IL32: variants seen among roughly 807,000 people sequenced by gnomAD.
The protein encoded by IL32 is interleukin 32, also known as interleukin-32.
In IL32, 30 loss-of-function variants were observed where a neutral mutation model predicts 16.6. That is an observed-to-expected ratio of 1.81 (90% CI 1.35 to 2.45). The LOEUF is 2.45. IL32 is among the 30% of genes most tolerant of loss of function. IL32 has a pLI of 0.00. For synonymous variants in IL32, 70 were observed against 86.1 expected, an observed-to-expected ratio of 0.81 and a Z score of 1.03; for missense variants, 234 against 229.8, an observed-to-expected ratio of 1.02 and a Z score of -0.12.
chr16:3,068,899 G>C lies in IL32; in HGVS notation c.202-91G>C, dbSNP rs934305559. On this transcript the variant is annotated intron_variant, in intron 6 of 6. Coordinates refer to ENST00000525643, the MANE Select transcript of IL32 (RefSeq NM_001376923.1). ...ACACCTGTGGGCCTCCGTCTCCCAGGGTCAGGAAAAGGCTGAGAGGCCTGG... is the reference window on the plus strand; with the variant it reads ...ACACCTGTGGGCCTCCGTCTCCCAGCGTCAGGAAAAGGCTGAGAGGCCTGG... 4.4e-6 allele frequency: 7 copies of C among 1,580,920 alleles called. No homozygotes were observed. The Middle Eastern group carries it at 1.0e-3, about 233-fold the overall frequency.
rs1201698287 is a variant in IL32 at position 3,067,284 on chromosome 16, T to TGTGTGTGTGTGTGTGC, written c.16-78_16-77insCGTGTGTGTGTGTGTG. ...TGCCATGTGTCTCTGTGTGTGTGTG[T>TGTGTGTGTGTGTGTGC]GTGTGTGTGTGTGTGTGTGTGTGTG... On this transcript the variant is annotated intron_variant, in intron 2 of 6. Coordinates refer to ENST00000525643, the MANE Select transcript of IL32 (RefSeq NM_001376923.1). 29 of 541,572 alleles carry TGTGTGTGTGTGTGTGC rather than the reference T, an allele frequency of 5.4e-5. 1 individual carries two copies. The highest frequency in any genetic ancestry group is 7.6e-5 in the Non-Finnish European group (24 of 314,536). 33.5% of individuals were successfully genotyped at this position (541,572 alleles called of 1,614,324 possible).
rs117009471 is a variant in IL32, at chr16:3,067,992, G to C, written c.123G>C (p.Ser41=). The C allele has an allele frequency of 1.5e-5, 25 of 1,613,950 alleles. No homozygotes were observed. The highest frequency in any genetic ancestry group is 1.9e-5 in the Non-Finnish European group (23 of 1,179,980). Residue 41 remains serine (S), a synonymous_variant, in exon 5 of 7, where the codon TCG becomes TCC. Transcript: ENST00000525643. ...NAESGRGQVM[S]SLAELEDDFK... Reference sequence around the variant, plus strand: ...TGCTTTGTTCCTAACAGGTGATGTCGAGCCTGGCAGAGCTGGAGGTGAGCC... The same window carrying C: ...TGCTTTGTTCCTAACAGGTGATGTCCAGCCTGGCAGAGCTGGAGGTGAGCC...
In IL32 at chr16:3,065,807, C is replaced by A; in HGVS notation, c.-5C>A. 6.2e-7 allele frequency: 1 copy of A among 1,614,172 alleles called. No individual in the cohort carries two copies. The highest frequency in any genetic ancestry group is 8.5e-7 in the Non-Finnish European group (1 of 1,180,024). ...AGGCCTTGGCTCCTTGAACTTTTGG[C>A]CGCCATGTGCTTCCCGAAGGTGAGT... On this transcript the variant is annotated 5_prime_UTR_variant, in exon 2 of 7. Coordinates refer to ENST00000525643, the MANE Select transcript of IL32 (RefSeq NM_001376923.1).
At chr16:3,068,114 T>C (rs1415445536) in intron 5 of IL32, 66 bp from the exon 6 acceptor site, 19 of 1,602,658 alleles carry the variant, frequency 1.2e-5, no homozygotes, top group Non-Finnish European at 1.5e-5. Flanking sequence ...CCTGGACCAG[T>C]GGGGGCCACA....
Position 3,067,357 on chromosome 16 carries a change from T to C in IL32, c.16-20T>C. On this transcript the variant is annotated intron_variant, in intron 2 of 6. Transcript: ENST00000525643. Reference sequence around the variant, plus strand: ...GTTAAGGTGACACATGGAGACTGAGTGTCACCGTTATTTCCGCAGGTCCTC... The same window carrying C: ...GTTAAGGTGACACATGGAGACTGAGCGTCACCGTTATTTCCGCAGGTCCTC... 1.4e-6 allele frequency: 2 copies of C among 1,452,044 alleles called. No individual in the cohort carries two copies. The highest frequency in any genetic ancestry group is 1.9e-6 in the Non-Finnish European group (2 of 1,069,076). 89.9% of individuals were successfully genotyped at this position (1,452,044 alleles called of 1,614,324 possible). A position where few individuals can be genotyped will look rare whatever the true frequency, so the allele number is the denominator to read the frequency against.
Position 3,068,227 on chromosome 16 carries a change from G to C in IL32, c.189G>C (p.Glu63Asp), listed in dbSNP as rs1046974488. 18 of 1,597,744 alleles carry C rather than the reference G, an allele frequency of 1.1e-5. No individual in the cohort carries two copies. Among genetic ancestry groups the C allele is most frequent in the African/African-American group, 2.7e-5 (2 of 74,630 alleles). The change falls in exon 6 of 7, where the codon GAG becomes GAC. Residue 63 changes from glutamate to aspartate, a missense_variant. Physicochemically the swap from Glu to Asp is conservative, Grantham distance 45. Around this residue, in one of 3 missense-constraint regions of IL32, gnomAD observed 137 missense variants for 80.7 expected, o/e 1.70. Transcript: ENST00000525643. ...GYLETVAAYYEEQHPELTPLL... is the reference protein window; with the variant it reads ...GYLETVAAYYDEQHPELTPLL... Reference sequence around the variant, plus strand: ...TGGAGACAGTGGCGGCTTATTATGAGGAGCAGCACCCAGTGAGTATGACAC... The same window carrying C: ...TGGAGACAGTGGCGGCTTATTATGACGAGCAGCACCCAGTGAGTATGACAC...
rs144473418 is a variant in IL32 at position 3,067,569 on chromosome 16, A to T, written c.70A>T (p.Arg24Ter). Residue 24 changes from arginine to a stop codon, truncating the protein, a stop_gained, in exon 4 of 7, where the codon AGA becomes TGA. Coordinates refer to ENST00000525643, the MANE Select transcript of IL32 (RefSeq NM_001376923.1). LOFTEE classifies it high-confidence loss of function. ...CTCTTCACAGCACCAGGCCATAGAA[A>T]GATTTTATGATAAAATGCAAAATGC... ...LKARMHQAIE[R>*]FYDKMQNAES... 1.2e-6 allele frequency: 2 copies of T among 1,613,886 alleles called. No homozygotes were observed. The highest frequency in any genetic ancestry group is 2.2e-5 in the East Asian group (1 of 44,882).
In IL32 at chr16:3,067,424, C is replaced by T. The variant is rs377148978; in HGVS notation, c.54+9C>T. The T allele has an allele frequency of 1.9e-6, 3 of 1,595,764 alleles. No individual in the cohort carries two copies. Among genetic ancestry groups the T allele is most frequent in the East Asian group, 2.2e-5 (1 of 44,664 alleles). ...AGCTGAAGGCCCGAATGGTAATGCT[C>T]CTCCCTACTTCTGCTCAGGGGTTGG... On this transcript the variant is annotated intron_variant, in intron 3 of 6. Transcript: ENST00000525643.
At chr16:3,067,862 G>T in intron 4 of IL32, 122 bp from the exon 5 acceptor site, 2 of 1,205,722 alleles carry the variant, frequency 1.7e-6, no homozygotes, top group South Asian at 1.2e-5. Context: ...GACGTGGCCC[G>T]GGCCCCTGGC....
chr16:3,069,400 C>T lies in IL32; in HGVS notation c.*45C>T, dbSNP rs372935622. ...GCCCTCCCCGTCACCGCGCACCCAC[C>T]CTGACCCCTCCCTCAGCTGTCCTGT... is the stretch of plus-strand genomic sequence containing the variant. On this transcript the variant is annotated 3_prime_UTR_variant, in exon 7 of 7. Transcript: ENST00000525643. The T allele has an allele frequency of 6.5e-7, 1 of 1,542,864 alleles. No individual in the cohort carries two copies. Among genetic ancestry groups the T allele is most frequent in the Non-Finnish European group, 8.7e-7 (1 of 1,144,354 alleles).
chr16:3,066,615 C>T lies in IL32; in HGVS notation c.16-762C>T, dbSNP rs563327889. Among the ~76,000 whole-genome samples, 28 of 152,152 alleles carry T rather than the reference C, an allele frequency of 1.8e-4. 1 individual carries two copies. The highest frequency in any genetic ancestry group is 2.1e-4 in the South Asian group (1 of 4,824). Reference sequence around the variant, plus strand: ...CCTCTGGCCTCTGTGGATGCAGCCACGTGTCTGCAGGCAGGAATGGCCCGG... The same window carrying T: ...CCTCTGGCCTCTGTGGATGCAGCCATGTGTCTGCAGGCAGGAATGGCCCGG... On this transcript the variant is annotated intron_variant, in intron 2 of 6. Coordinates refer to ENST00000525643, the MANE Select transcript of IL32 (RefSeq NM_001376923.1).
chr16:3,067,983 G>T lies in IL32; in HGVS notation c.115-1G>T. 8.7e-6 allele frequency: 14 copies of T among 1,614,138 alleles called. No individual in the cohort carries two copies. The highest frequency in any genetic ancestry group is 1.0e-5 in the Non-Finnish European group (12 of 1,179,978). On this transcript the variant is annotated splice_acceptor_variant, in intron 4 of 6. Coordinates refer to ENST00000525643, the MANE Select transcript of IL32 (RefSeq NM_001376923.1). LOFTEE classifies it high-confidence loss of function. ...GGAACCGAGTGCTTTGTTCCTAACA[G>T]GTGATGTCGAGCCTGGCAGAGCTGG... is the stretch of plus-strand genomic sequence containing the variant.
rs753135817 is a variant in IL32, at chr16:3,067,367, A to G, written c.16-10A>G. On this transcript the variant is annotated splice_polypyrimidine_tract_variant and intron_variant, in intron 2 of 6. Transcript: ENST00000525643. ...CACATGGAGACTGAGTGTCACCGTT[A>G]TTTCCGCAGGTCCTCTCTGATGACA... 4 of 1,516,406 alleles carry G rather than the reference A, an allele frequency of 2.6e-6. No individual in the cohort carries two copies. Among genetic ancestry groups the G allele is most frequent in the African/African-American group, 1.4e-5 (1 of 71,434 alleles). The allele number at this position is 1,516,406 out of a possible 1,614,324, so 93.9% of individuals were successfully genotyped here. A position where few individuals can be genotyped will look rare whatever the true frequency, so the allele number is the denominator to read the frequency against.
Position 3,065,688 on chromosome 16 carries a change from G to A in IL32, c.-29+1G>A, listed in dbSNP as rs1956234028. ...TCTCAGTGGAGCTGGGTCATCTCAG[G>A]TGGGGAGTTGGGGTCCCCGAAGGTG... is the stretch of plus-strand genomic sequence containing the variant. On this transcript the variant is annotated splice_donor_variant, in intron 1 of 6. Transcript: ENST00000525643. LOFTEE classifies it low-confidence loss of function (5UTR_SPLICE). 2.0e-6 allele frequency: 2 copies of A among 977,568 alleles called. No homozygotes were observed. The highest frequency in any genetic ancestry group is 1.7e-5 in the Admixed American group (1 of 58,520). 60.6% of individuals were successfully genotyped at this position (977,568 alleles called of 1,614,324 possible). A position where few individuals can be genotyped will look rare whatever the true frequency, so the allele number is the denominator to read the frequency against.
At chr16:3,068,110 C>T in intron 5 of IL32, 70 bp from the exon 6 acceptor site, 6 of 1,600,826 alleles carry the variant, frequency 3.7e-6, no homozygotes, top group Non-Finnish European at 5.1e-6. Context: ...ATCACCTGGA[C>T]CAGTGGGGGC....
Position 3,068,017 on chromosome 16 carries a change from C to T in IL32, c.141+7C>T, listed in dbSNP as rs368114156. The stretch of plus-strand genomic sequence containing the variant: ...GAGCCTGGCAGAGCTGGAGGTGAGC[C>T]GTGGCCTCCCCCTCCACCAAGCTTA... On this transcript the variant is annotated splice_region_variant and intron_variant, in intron 5 of 6. Coordinates refer to ENST00000525643, the MANE Select transcript of IL32 (RefSeq NM_001376923.1). The T allele has an allele frequency of 2.0e-5, 33 of 1,613,782 alleles. No homozygotes were observed. The highest frequency in any genetic ancestry group is 8.0e-5 in the African/African-American group (6 of 74,896).
At chr16:3,066,654 G>C (rs549928890) in intron 2 of IL32, among the ~76,000 whole-genome samples, 14 of 152,306 alleles carry the variant, frequency 9.2e-5, no homozygotes, top group Middle Eastern at 3.4e-3. Flanking sequence ...CTGTGGGTCT[G>C]CATGTTGGCA....
At chr16:3,068,147 C>G (rs751385413) in intron 5 of IL32, 33 bp from the exon 6 acceptor site, 60 of 1,602,582 alleles carry the variant, frequency 3.7e-5, no homozygotes, top group Non-Finnish European at 4.9e-5. Flanking sequence ...CAGGCAGGAG[C>G]AGCATGAACC....
Position 3,067,367 on chromosome 16 carries a change from A to T in IL32, c.16-10A>T. 2 of 1,516,406 alleles carry T rather than the reference A, an allele frequency of 1.3e-6. No individual in the cohort carries two copies. Among genetic ancestry groups the T allele is most frequent in the Non-Finnish European group, 1.8e-6 (2 of 1,126,656 alleles). The allele number at this position is 1,516,406 out of a possible 1,614,324, so 93.9% of individuals were successfully genotyped here. A position where few individuals can be genotyped will look rare whatever the true frequency, so the allele number is the denominator to read the frequency against. ...CACATGGAGACTGAGTGTCACCGTT[A>T]TTTCCGCAGGTCCTCTCTGATGACA... On this transcript the variant is annotated splice_polypyrimidine_tract_variant and intron_variant, in intron 2 of 6. Coordinates refer to ENST00000525643, the MANE Select transcript of IL32 (RefSeq NM_001376923.1).
Sources: gnomAD v4.1 joint callset for allele counts (sites outside exome capture counted in the v4.1 genomes callset) on GRCh38, gnomAD v4.1.1 for gene constraint, gnomAD v4.1.1 regional missense constraint, MANE v1.5 for transcripts, NCBI Gene and HGNC (gene_info 2026-07-23, HGNC 2026-07-21) for gene names.